The following AIG1 variants were observed in gnomAD, a reference collection of about 807,000 sequenced individuals.
The protein encoded by AIG1 is androgen induced 1.
AIG1 carries 23 observed loss-of-function variants against 31.4 expected under a neutral mutation model. That is an observed-to-expected ratio of 0.73 (90% CI 0.53 to 1.04). The LOEUF is 1.04. Ranked by LOEUF, AIG1 falls within the 50% of genes least tolerant of loss-of-function variation. The pLI, the probability that AIG1 is intolerant of heterozygous loss-of-function variation, is 0.00. For synonymous variants in AIG1, 100 were observed against 110.5 expected (o/e 0.90, Z 0.60); for missense variants, 274 against 295.0 (o/e 0.93, Z 0.52).
chr6:143,271,385 A>G (rs970884648), intron 3 of AIG1, among the ~76,000 whole-genome samples: 2 of 152,268 alleles, frequency 1.3e-5, no homozygotes, highest in African/African-American at 4.8e-5. Context: ...AAGCAGGATT[A>G]TAACGGGTTC....
chr6:143,287,195 T>C (rs180943771), intron 4 of AIG1, among the ~76,000 whole-genome samples: 26 of 152,168 alleles, frequency 1.7e-4, no homozygotes, highest in Admixed American at 1.4e-3. Flanking sequence ...AGAGGACCCT[T>C]AGCATTCCGG....
At chr6:143,212,719 A>AGT (rs981623079) in intron 3 of AIG1, among the ~76,000 whole-genome samples, 2 of 152,102 alleles carry the variant, frequency 1.3e-5, no homozygotes, top group Non-Finnish European at 2.9e-5. Flanking sequence ...AAGAGCTTCG[A>AGT]GTGTGTGTGT....
At chr6:143,254,972 A>G (rs148934758) in intron 3 of AIG1, among the ~76,000 whole-genome samples, 1 of 152,148 alleles carries the variant, frequency 6.6e-6, no homozygotes, top group Non-Finnish European at 1.5e-5. Flanking sequence ...CAGGAGGTTA[A>G]GGCTGCAGTG....
At chr6:143,169,867 G>A (rs1787326329) in intron 3 of AIG1, among the ~76,000 whole-genome samples, 1 of 151,966 alleles carries the variant, frequency 6.6e-6, no homozygotes, top group Admixed American at 6.6e-5. Flanking sequence ...ATAATCATTT[G>A]GGTTTTGTTC....
At chr6:143,115,126 C>T (rs1781627525) in intron 1 of AIG1, among the ~76,000 whole-genome samples, 1 of 152,196 alleles carries the variant, frequency 6.6e-6, no homozygotes, top group African/African-American at 2.4e-5. Context: ...GTCAGTTTTG[C>T]AATTTCCAGA....
intron 1 of AIG1, among the ~76,000 whole-genome samples, chr6:143,105,406 C>G (rs185815459): frequency 6.6e-6 from 1 of 152,346 alleles, no homozygotes; most frequent in East Asian, 1.9e-4. Context: ...GCGCAGAAAT[C>G]TGTTGTGCAT....
At chr6:143,061,516 G>C in intron 1 of AIG1, 1 of 336,010 alleles carries the variant, frequency 3.0e-6, no homozygotes, top group South Asian at 2.3e-5. Flanking sequence ...GTATTGTCTA[G>C]TGATTTGGAA....
chr6:143,217,399 C>T (rs1318383313), intron 3 of AIG1, among the ~76,000 whole-genome samples: 1 of 152,232 alleles, frequency 6.6e-6, no homozygotes, highest in Non-Finnish European at 1.5e-5. Flanking sequence ...GTACACCCCA[C>T]TCATGGTAAG....
Position 143,184,661 on chromosome 6 carries a change from C to T in AIG1, c.399+19478C>T, listed in dbSNP as rs115488278. On this transcript the variant is annotated intron_variant, in intron 3 of 5. Coordinates refer to ENST00000357847, the MANE Select transcript of AIG1 (RefSeq NM_016108.4). Reference sequence around the variant, plus strand: ...TGTCTGCTTTAGTTTAAGATTTGGTCGTCTCTCAGCTGAACTGAGGCAGCA... The same window carrying T: ...TGTCTGCTTTAGTTTAAGATTTGGTTGTCTCTCAGCTGAACTGAGGCAGCA... Among the ~76,000 whole-genome samples the T allele has an allele frequency of 5.5e-3, 840 of 152,326 alleles. 11 individuals carry two copies. Among genetic ancestry groups the T allele is most frequent in the African/African-American group, 0.017 (696 of 41,572 alleles).
downstream of AIG1, chr6:143,342,547 C>CT (rs1204510201): frequency 3.5e-5 from 30 of 853,604 alleles, no homozygotes; most frequent in African/African-American, 3.8e-4. Flanking sequence ...CTCATAAAAC[C>CT]TTTATTTTTT....
chr6:143,251,700 G>C (rs772475865), intron 3 of AIG1, among the ~76,000 whole-genome samples: 1 of 152,040 alleles, frequency 6.6e-6, no homozygotes, highest in Non-Finnish European at 1.5e-5. Flanking sequence ...GCCCCAGATG[G>C]TACTGCACTT....
chr6:143,061,237 G>GC (rs1300859731), intron 1 of AIG1, 171 bp downstream of exon 1: 2 of 834,066 alleles, frequency 2.4e-6, no homozygotes, highest in Non-Finnish European at 4.0e-6. Context: ...AGGCCTGGCT[G>GC]CCCCCGCAGC....
At chr6:143,187,397 C>T in intron 3 of AIG1, 2 of 1,535,572 alleles carry the variant, frequency 1.3e-6, no homozygotes, top group African/African-American at 2.7e-5. Flanking sequence ...GCTATAGCAA[C>T]TAGATTCCAC....
chr6:143,213,120 TA>T (rs1316891262), intron 3 of AIG1, among the ~76,000 whole-genome samples: 1 of 152,204 alleles, frequency 6.6e-6, no homozygotes, highest in East Asian at 1.9e-4. Flanking sequence ...TTTTTGGCAG[TA>T]AAATTACAGA....
chr6:143,275,752 T>G (rs960708299), intron 3 of AIG1, among the ~76,000 whole-genome samples: 5 of 152,224 alleles, frequency 3.3e-5, no homozygotes, highest in Non-Finnish European at 5.9e-5. Flanking sequence ...TTTGTGCCAT[T>G]GTTGGTCTGC....
chr6:143,291,302 G>T lies in AIG1; in HGVS notation c.515+7077G>T, dbSNP rs965946324. Among the ~76,000 whole-genome samples the T allele has an allele frequency of 1.3e-5, 2 of 152,192 alleles. No homozygotes were observed. Among genetic ancestry groups the T allele is most frequent in the Admixed American group, 1.3e-4 (2 of 15,290 alleles). On this transcript the variant is annotated intron_variant, in intron 4 of 5. Transcript: ENST00000357847. This position sits in a 1 kb window ranked among gnomAD's most constrained non-coding sequence, Gnocchi z 4.2. ...TCTTGATGGTGGCCCACCCAAGAAA[G>T]AATGGCTCCTGGGCAAGAGTTTTCC...
chr6:143,310,062 C>T (rs1043529624), intron 4 of AIG1, among the ~76,000 whole-genome samples: 3 of 151,840 alleles, frequency 2.0e-5, no homozygotes, highest in Admixed American at 6.6e-5. Flanking sequence ...ACTTCAACAC[C>T]CCTCTTTTAG....
chr6:143,295,324 A>T (rs149851009), intron 4 of AIG1, among the ~76,000 whole-genome samples: 109 of 152,264 alleles, frequency 7.2e-4, no homozygotes, highest in Middle Eastern at 6.8e-3. Flanking sequence ...TCCCAGAGTA[A>T]TCTTTTATAA....
In AIG1 at chr6:143,149,007, C is replaced by A. The variant is rs563014897; in HGVS notation, c.297+12017C>A. On this transcript the variant is annotated intron_variant, in intron 2 of 5. Coordinates refer to ENST00000357847, the MANE Select transcript of AIG1 (RefSeq NM_016108.4). The stretch of plus-strand genomic sequence containing the variant: ...CTAGGTATGCAGTAGGCTATACCAC[C>A]TAGGTTTGTGTAAGTACACTCTATG... 2.6e-5 allele frequency among the ~76,000 whole-genome samples: 4 copies of A among 152,248 alleles called. No individual in the cohort carries two copies. The East Asian group carries it at 7.7e-4, about 29-fold the overall frequency.
Sources: gnomAD v4.1 joint callset for allele counts (sites outside exome capture counted in the v4.1 genomes callset) on GRCh38, gnomAD v4.1.1 for gene constraint, Gnocchi (gnomAD v3.1) non-coding constraint, MANE v1.5 for transcripts, NCBI Gene and HGNC (gene_info 2026-07-23, HGNC 2026-07-21) for gene names.